Variants in ELAPOR2 observed in about 807,000 individuals in gnomAD.
The protein encoded by ELAPOR2 is endosome-lysosome associated apoptosis and autophagy regulator family member 2.
A neutral mutation model predicts 120.7 loss-of-function variants in ELAPOR2; 89 were observed. The observed-to-expected ratio is 0.74, with a 90% CI of 0.62 to 0.88. The LOEUF is 0.88. Among genes scored for constraint, ELAPOR2 ranks in the 40% least tolerant of loss-of-function variants. The pLI, the probability that ELAPOR2 is intolerant of heterozygous loss-of-function variation, is 0.00. For missense variants in ELAPOR2, 1,134 were observed against 1,251.6 expected, an observed-to-expected ratio of 0.91 and a Z score of 1.42; for synonymous variants, 444 against 444.9, an observed-to-expected ratio of 1.00 and a Z score of 0.03.
intron 2 of ELAPOR2, among the ~76,000 whole-genome samples, chr7:86,961,031 T>C (rs989958681): frequency 5.9e-5 from 9 of 152,188 alleles, no homozygotes; most frequent in African/African-American, 1.9e-4. Context: ...TGAAGCCACA[T>C]TAATTCGCTA....
Position 87,032,297 on chromosome 7 carries a change from T to A in ELAPOR2, c.189+27028A>T, listed in dbSNP as rs374667872. 2.8e-4 allele frequency among the ~76,000 whole-genome samples: 43 copies of A among 152,288 alleles called. 1 individual carries two copies. The East Asian group carries it at 8.1e-3, about 29-fold the overall frequency. ...ATTTGCTTATGAATGATGAATGAACTAATAACAAATGATTGCTATTAAGTG... is the reference window on the plus strand; with the variant it reads ...ATTTGCTTATGAATGATGAATGAACAAATAACAAATGATTGCTATTAAGTG... On this transcript the variant is annotated intron_variant, in intron 1 of 21. Coordinates refer to ENST00000450689, the MANE Select transcript of ELAPOR2 (RefSeq NM_001142749.3).
rs1280203948 is a variant in ELAPOR2 at position 87,011,534 on chromosome 7, TACTC to T, written c.190-46514_190-46511del. On this transcript the variant is annotated intron_variant, in intron 1 of 21. Coordinates refer to ENST00000450689, the MANE Select transcript of ELAPOR2 (RefSeq NM_001142749.3). ...TATTTATAACTCTTTTTAATACAAA[TACTC>T]AGTACAATTTTTCCGTTTCAGTGAG... Among the ~76,000 whole-genome samples, 5 of 152,356 alleles carry T rather than the reference TACTC, an allele frequency of 3.3e-5. No individual in the cohort carries two copies. The South Asian group carries it at 8.3e-4, about 25-fold the overall frequency.
intron 1 of ELAPOR2, among the ~76,000 whole-genome samples, chr7:87,032,847 G>A (rs980904818): frequency 2.0e-5 from 3 of 152,162 alleles, no homozygotes; most frequent in Non-Finnish European, 4.4e-5. Flanking sequence ...AGGACCAGTG[G>A]CTACCTACAC....
intron 1 of ELAPOR2, among the ~76,000 whole-genome samples, chr7:87,048,241 T>C (rs1226659411): frequency 7.1e-6 from 1 of 140,310 alleles, no homozygotes; most frequent in Non-Finnish European, 1.5e-5. Flanking sequence ...AGACTTCATC[T>C]AGAAAAAAAA....
intron 21 of ELAPOR2, among the ~76,000 whole-genome samples, chr7:86,887,356 T>C (rs912289170): frequency 6.6e-6 from 1 of 152,134 alleles, no homozygotes; most frequent in African/African-American, 2.4e-5. Flanking sequence ...CAGAGGTTAC[T>C]GCAGATGCCA....
rs1270258082 is a variant in ELAPOR2, at chr7:86,879,908, A to C, written c.*563T>G. 2 of 152,304 alleles carry C rather than the reference A, an allele frequency of 1.3e-5. No individual in the cohort carries two copies. The highest frequency in any genetic ancestry group is 4.8e-5 in the African/African-American group (2 of 41,470). 9.4% of individuals were successfully genotyped at this position (152,304 alleles called of 1,614,324 possible). On this transcript the variant is annotated 3_prime_UTR_variant, in exon 22 of 22. Transcript: ENST00000450689. ...CTAACTCTTCCTGAAATTTAAATCA[A>C]GAGAAGATAACCTATGGAAAAATGA...
At chr7:87,028,622 C>T (rs560022364) in intron 1 of ELAPOR2, among the ~76,000 whole-genome samples, 3 of 152,234 alleles carry the variant, frequency 2.0e-5, no homozygotes, top group Admixed American at 6.6e-5. Flanking sequence ...AATGCCTCAC[C>T]CATATTTTCG....
At chr7:87,040,402 C>T (rs1294554476) in intron 1 of ELAPOR2, among the ~76,000 whole-genome samples, 2 of 152,206 alleles carry the variant, frequency 1.3e-5, no homozygotes, top group Admixed American at 1.3e-4. Flanking sequence ...CAGTGGTTCT[C>T]CCAGCACGCA....
chr7:86,970,081 C>T (rs1222969963), intron 1 of ELAPOR2, among the ~76,000 whole-genome samples: 1 of 152,048 alleles, frequency 6.6e-6, no homozygotes, highest in Non-Finnish European at 1.5e-5. Flanking sequence ...ATGTAGTCTC[C>T]GGGTCTTCTA....
chr7:87,058,522 C>T (rs1007579810), intron 1 of ELAPOR2, among the ~76,000 whole-genome samples: 1 of 152,148 alleles, frequency 6.6e-6, no homozygotes, highest in South Asian at 2.1e-4. Context: ...ATGACACCCC[C>T]TGTAAATTTT....
chr7:86,887,163 T>C (rs1799730384), intron 21 of ELAPOR2, among the ~76,000 whole-genome samples: 1 of 152,250 alleles, frequency 6.6e-6, no homozygotes, highest in Middle Eastern at 3.4e-3. Context: ...GATTAAAATA[T>C]GTGTCACTCA....
intron 1 of ELAPOR2, among the ~76,000 whole-genome samples, chr7:87,009,707 T>C (rs902086162): frequency 6.6e-6 from 1 of 152,202 alleles, no homozygotes; most frequent in Non-Finnish European, 1.5e-5. Flanking sequence ...TTTCTCTGGC[T>C]TTCTCACCTC....
chr7:86,974,363 C>T (rs929902916), intron 1 of ELAPOR2, among the ~76,000 whole-genome samples: 1 of 151,974 alleles, frequency 6.6e-6, no homozygotes, highest in African/African-American at 2.4e-5. Flanking sequence ...TCCAAGGAAG[C>T]CATGTTTGTA....
intron 1 of ELAPOR2, among the ~76,000 whole-genome samples, chr7:87,010,972 A>C (rs1411678829): frequency 2.6e-5 from 4 of 152,170 alleles, no homozygotes; most frequent in African/African-American, 9.7e-5. Context: ...AAATTTTTAA[A>C]AAGAAAATAT....
intron 8 of ELAPOR2, among the ~76,000 whole-genome samples, chr7:86,937,013 C>A (rs1790588738): frequency 6.6e-6 from 1 of 151,962 alleles, no homozygotes; most frequent in Admixed American, 6.6e-5. Flanking sequence ...CAAACATAAT[C>A]CAAATTACTT....
chr7:86,933,759 T>C (rs1584367039), intron 8 of ELAPOR2, among the ~76,000 whole-genome samples: 2 of 152,040 alleles, frequency 1.3e-5, no homozygotes, highest in South Asian at 4.1e-4. Context: ...TTTTGAGCCA[T>C]GCTCCCACTT....
At chr7:86,998,146 T>C (rs527597612) in intron 1 of ELAPOR2, among the ~76,000 whole-genome samples, 1 of 152,330 alleles carries the variant, frequency 6.6e-6, no homozygotes, top group East Asian at 1.9e-4. Flanking sequence ...AATGTAAGTA[T>C]AAACCCTACC....
At chr7:86,993,198 C>T (rs1634991) in intron 1 of ELAPOR2, among the ~76,000 whole-genome samples, 52,807 of 139,906 alleles carry the variant, frequency 0.38, 10,832 homozygotes, top group African/African-American at 0.55. Context: ...ATCGCACCAC[C>T]GTACTCCAGC....
intron 1 of ELAPOR2, among the ~76,000 whole-genome samples, chr7:87,021,672 G>A (rs887573479): frequency 1.8e-4 from 28 of 152,256 alleles, no homozygotes; most frequent in African/African-American, 6.5e-4. Flanking sequence ...ACTGTTTCCA[G>A]ACAGTCTTTA....
Sources: allele counts gnomAD v4.1 joint callset (sites outside exome capture counted in the v4.1 genomes callset), GRCh38; gene constraint gnomAD v4.1.1; transcripts MANE v1.5; gene names NCBI Gene and HGNC (gene_info 2026-07-23, HGNC 2026-07-21).